The following CRAMP1 variants were observed in gnomAD, a reference collection of about 807,000 sequenced individuals.
The protein encoded by CRAMP1 is cramped chromatin regulator 1.
Under a neutral mutation model 115.4 loss-of-function variants are expected in CRAMP1, and 50 were observed. The ratio of observed to expected loss-of-function variants is 0.43; its 90% confidence interval spans 0.35 to 0.55. CRAMP1 has a LOEUF of 0.55. CRAMP1 is among the 20% of genes least tolerant of loss of function. The pLI, the probability that CRAMP1 is intolerant of heterozygous loss-of-function variation, is 0.01. For missense variants in CRAMP1, 1,679 were observed against 1,721.7 expected (o/e 0.98, Z 0.44); for synonymous variants, 866 against 745.4 (o/e 1.16, Z -2.64).
chr16:1,643,764 A>G (rs539664518), intron 6 of CRAMP1, among the ~76,000 whole-genome samples: 2 of 152,312 alleles, frequency 1.3e-5, no homozygotes, highest in Admixed American at 6.5e-5. Context: ...CACTCTGAGA[A>G]CCAAATGAAG....
At chr16:1,613,363 T>C (rs547661212) in intron 1 of CRAMP1, among the ~76,000 whole-genome samples, 1 of 152,280 alleles carries the variant, frequency 6.6e-6, no homozygotes, top group Admixed American at 6.5e-5. Flanking sequence ...TTTGAAGCCA[T>C]TTCCCGATCT....
Position 1,666,156 on chromosome 16 carries a change from C to A in CRAMP1, c.2836C>A (p.Gln946Lys). The A allele has an allele frequency of 6.2e-7, 1 of 1,608,280 alleles. No individual in the cohort carries two copies. Among genetic ancestry groups the A allele is most frequent in the East Asian group, 2.2e-5 (1 of 44,664 alleles). The stretch of plus-strand genomic sequence containing the variant: ...GATCGTGCCCAAGGTCCTTCCACCC[C>A]AGGCCACGAGTCACCTGGCCAGTAA... ...RPIVPKVLPP[Q>K]ATSHLASAID... is the part of the protein sequence containing the mutation. Residue 946 changes from glutamine (Q) to lysine (K), a missense_variant, in exon 15 of 21, where the codon CAG becomes AAG. Physicochemically the swap from Gln to Lys is moderately conservative, Grantham distance 53. Around this residue, in one of 8 missense-constraint regions of CRAMP1, gnomAD observed 709 missense variants for 741.9 expected, o/e 0.96. Coordinates refer to ENST00000397412, the MANE Select transcript of CRAMP1 (RefSeq NM_020825.4). The surrounding 1 kb of genome is among the most constrained non-coding windows in gnomAD (Gnocchi z 5.0).
intron 3 of CRAMP1, among the ~76,000 whole-genome samples, chr16:1,630,723 GTTTGCATGTTTTTTT>G (rs1019107030): frequency 3.9e-5 from 6 of 152,188 alleles, no homozygotes; most frequent in Non-Finnish European, 8.8e-5. Flanking sequence ...TTTGTTTTTT[GTTTGCATGTTTTTTT>G]GTCGTTGATG....
At chr16:1,655,402 G>A (rs1229688961) in intron 9 of CRAMP1, 102 bp downstream of exon 9, 10 of 932,156 alleles carry the variant, frequency 1.1e-5, no homozygotes, top group African/African-American at 3.2e-5. Context: ...GGTCCCCGTG[G>A]GCAGAACAGC....
intron 6 of CRAMP1, among the ~76,000 whole-genome samples, chr16:1,642,388 C>T (rs1326020740): frequency 6.6e-6 from 1 of 152,198 alleles, no homozygotes; most frequent in African/African-American, 2.4e-5. Flanking sequence ...TGTGAGCTGC[C>T]ACCAGCCTGC....
chr16:1,652,995 G>A, intron 7 of CRAMP1, 38 bp from the exon 8 acceptor site: 7 of 1,612,554 alleles, frequency 4.3e-6, no homozygotes, highest in Non-Finnish European at 5.9e-6. Flanking sequence ...CCTTAAGGTT[G>A]GGCTGCACTA....
chr16:1,631,839 A>G (rs937196772), intron 3 of CRAMP1, among the ~76,000 whole-genome samples: 1 of 152,264 alleles, frequency 6.6e-6, no homozygotes, highest in Non-Finnish European at 1.5e-5. Context: ...TTAAGATGCC[A>G]TAACTGCTTC....
chr16:1,668,810 C>T (rs1037475500), intron 18 of CRAMP1, among the ~76,000 whole-genome samples, 191 bp from the exon 19 acceptor site: 8 of 152,288 alleles, frequency 5.3e-5, no homozygotes, highest in South Asian at 2.1e-4. Flanking sequence ...GCCTTCACTC[C>T]GCTGCGCCCT....
rs1049543205 is a variant in CRAMP1 at position 1,666,786 on chromosome 16, G to A, written c.3036+186G>A. Among the ~76,000 whole-genome samples the A allele has an allele frequency of 6.6e-6, 1 of 152,236 alleles. No homozygotes were observed. Among genetic ancestry groups the A allele is most frequent in the South Asian group, 2.1e-4 (1 of 4,834 alleles). On this transcript the variant is annotated intron_variant, in intron 16 of 20. Transcript: ENST00000397412. This position sits in a 1 kb window ranked among gnomAD's most constrained non-coding sequence, Gnocchi z 5.0. ...AGGAGAGGCCTCCGGAGCCACTGAC[G>A]AAAGGTGGGGACAGGCTTGCCATGT...
intron 3 of CRAMP1, among the ~76,000 whole-genome samples, chr16:1,626,896 C>T (rs774520918): frequency 1.6e-4 from 24 of 152,088 alleles, no homozygotes; most frequent in Non-Finnish European, 3.2e-4. Flanking sequence ...TGGCCAGGGT[C>T]GATGTACTGT....
rs2036890051 is a variant in CRAMP1, at chr16:1,667,947, C to A, written c.3103-15C>A. ...TAGACCTGGTTGTGTCTGAAAAATA[C>A]CTGTCTCCCAGCAGGGCTCATCTGT... is the stretch of plus-strand genomic sequence containing the variant. On this transcript the variant is annotated splice_polypyrimidine_tract_variant and intron_variant, in intron 17 of 20. Transcript: ENST00000397412. The A allele has an allele frequency of 6.5e-7, 1 of 1,539,944 alleles. No individual in the cohort carries two copies. The highest frequency in any genetic ancestry group is 8.9e-7 in the Non-Finnish European group (1 of 1,124,288).
At chr16:1,646,171 A>G (rs78632323) in intron 6 of CRAMP1, among the ~76,000 whole-genome samples, 3,258 of 152,184 alleles carry the variant, frequency 0.021, 130 homozygotes, top group African/African-American at 0.074. Context: ...TATCCCTTCC[A>G]AGTGGAGGGA....
In CRAMP1 at chr16:1,614,846, G is replaced by A; in HGVS notation, c.207G>A (p.Pro69=). The stretch of plus-strand genomic sequence containing the variant: ...CGCCCCCCGGCGCGCCGCAGGCGCC[G>A]TCCCCGCCGCAGGGCAGCCCCCAGG... ...PPAPPGAPQA[P]SPPQGSPQDQ... The change falls in exon 2 of 21, where the codon CCG becomes CCA. Residue 69 remains proline (P), a synonymous_variant. Transcript: ENST00000397412. The surrounding 1 kb of genome is among the most constrained non-coding windows in gnomAD (Gnocchi z 4.4). The A allele has an allele frequency of 7.8e-7, 1 of 1,284,624 alleles. No individual in the cohort carries two copies. The highest frequency in any genetic ancestry group is 9.8e-7 in the Non-Finnish European group (1 of 1,019,992). The allele number at this position is 1,284,624 out of a possible 1,614,324, so 79.6% of individuals were successfully genotyped here.
chr16:1,664,009 T>A (rs910002124), intron 13 of CRAMP1, among the ~76,000 whole-genome samples: 1 of 152,208 alleles, frequency 6.6e-6, no homozygotes, highest in African/African-American at 2.4e-5. Context: ...GTGTAGCCTT[T>A]GGAGTGAAAG....
At chr16:1,645,033 CT>C (rs369757525) in intron 6 of CRAMP1, among the ~76,000 whole-genome samples, 37 of 142,624 alleles carry the variant, frequency 2.6e-4, no homozygotes, top group Middle Eastern at 3.5e-3. Context: ...TACTTTTGTT[CT>C]TTTTTTTTTG....
intron 19 of CRAMP1, 106 bp from the exon 20 acceptor site, chr16:1,670,558 C>A: frequency 1.6e-6 from 2 of 1,252,802 alleles, no homozygotes; most frequent in South Asian, 1.4e-5. Context: ...GGGCCGGGGC[C>A]GGGGCTAGGG....
intron 2 of CRAMP1, among the ~76,000 whole-genome samples, chr16:1,617,807 T>G (rs936237345): frequency 6.6e-6 from 1 of 152,212 alleles, no homozygotes; most frequent in East Asian, 1.9e-4. Context: ...TTTTTTCTAG[T>G]TCAGTTTCAA....
intron 3 of CRAMP1, among the ~76,000 whole-genome samples, chr16:1,628,559 C>T (rs1463604694): frequency 2.0e-5 from 3 of 152,338 alleles, no homozygotes; most frequent in African/African-American, 7.2e-5. Flanking sequence ...TGGCCTAACA[C>T]GTTTCATTTC....
At chr16:1,622,648 G>A (rs570883515) in intron 2 of CRAMP1, among the ~76,000 whole-genome samples, 2 of 152,192 alleles carry the variant, frequency 1.3e-5, no homozygotes, top group East Asian at 3.9e-4. Context: ...AGGTCTCCCT[G>A]TGTGGCCCAG....
Sources: allele counts gnomAD v4.1 joint callset (sites outside exome capture counted in the v4.1 genomes callset), GRCh38; gene constraint gnomAD v4.1.1; regional missense constraint gnomAD v4.1.1; non-coding constraint Gnocchi (gnomAD v3.1); transcripts MANE v1.5; gene names NCBI Gene and HGNC (gene_info 2026-07-23, HGNC 2026-07-21).